Variants in CYP4F12 observed in about 807,000 individuals in gnomAD.
CYP4F12 encodes the protein cytochrome P450 family 4 subfamily F member 12, also known as cytochrome P450 4F12.
A neutral mutation model predicts 56.5 loss-of-function variants in CYP4F12; 60 were observed. The ratio of observed to expected loss-of-function variants is 1.06; its 90% CI spans 0.86 to 1.32. The LOEUF (loss-of-function observed/expected upper bound fraction) is 1.32. Among genes scored for constraint, CYP4F12 ranks in the 40% most tolerant of loss-of-function variants. CYP4F12 has a pLI of 0.00. For synonymous variants in CYP4F12, 263 were observed against 264.9 expected (o/e 0.99, Z 0.07); for missense variants, 711 against 683.5 (o/e 1.04, Z -0.45).
chr19:15,678,991 TAA>T (rs1183893920), intron 3 of CYP4F12, among the ~76,000 whole-genome samples: 3 of 152,200 alleles, frequency 2.0e-5, no homozygotes, highest in Non-Finnish European at 2.9e-5. Flanking sequence ...TCATCCACCC[TAA>T]GTTTCCTGCT....
chr19:15,688,320 A>G (rs627753), intron 9 of CYP4F12, among the ~76,000 whole-genome samples: 44,040 of 151,126 alleles, frequency 0.29, 7,089 homozygotes, highest in African/African-American at 0.42. Context: ...CCTAAGAACC[A>G]CCCTCTGACT....
intron 2 of CYP4F12, among the ~76,000 whole-genome samples, chr19:15,677,540 G>A (rs201449889): frequency 0.68 from 8,242 of 12,062 alleles, 3,263 homozygotes; most frequent in East Asian, 0.99. Flanking sequence ...CTCCTCACTC[G>A]CTCATTCCTC....
intron 9 of CYP4F12, among the ~76,000 whole-genome samples, chr19:15,694,426 T>G (rs2008025725): frequency 6.6e-6 from 1 of 152,160 alleles, no homozygotes; most frequent in African/African-American, 2.4e-5. Context: ...GTTGGATTCC[T>G]AGGTATTTTC....
chr19:15,688,755 G>A (rs764594909), intron 9 of CYP4F12, among the ~76,000 whole-genome samples: 2 of 152,148 alleles, frequency 1.3e-5, no homozygotes, highest in Non-Finnish European at 2.9e-5. Context: ...TGGTATAAAA[G>A]TAGGCATTTA....
intron 9 of CYP4F12, among the ~76,000 whole-genome samples, chr19:15,693,241 G>A (rs2007959135): frequency 6.6e-6 from 1 of 152,154 alleles, no homozygotes; most frequent in Non-Finnish European, 1.5e-5. Context: ...AGTGAATTAT[G>A]TTTTATAGTT....
intron 7 of CYP4F12, 187 bp downstream of exon 7, chr19:15,683,950 A>C: frequency 1.7e-6 from 1 of 592,822 alleles, no homozygotes; most frequent in Non-Finnish European, 2.7e-6. Flanking sequence ...GCTAATTCTG[A>C]AACTGTGAGG....
chr19:15,692,193 G>C (rs1018352656), intron 9 of CYP4F12, among the ~76,000 whole-genome samples: 3 of 152,126 alleles, frequency 2.0e-5, no homozygotes, highest in Non-Finnish European at 2.9e-5. Context: ...TTGACCTCAA[G>C]TGATCCACCC....
intron 9 of CYP4F12, among the ~76,000 whole-genome samples, chr19:15,688,658 C>T (rs894931928): frequency 5.3e-5 from 8 of 152,032 alleles, no homozygotes; most frequent in African/African-American, 1.2e-4. Context: ...CAAAGCAATA[C>T]CAAGCAAAAA....
intron 9 of CYP4F12, among the ~76,000 whole-genome samples, chr19:15,692,440 G>A (rs1237095883): frequency 2.0e-5 from 3 of 151,820 alleles, no homozygotes; most frequent in African/African-American, 7.3e-5. Flanking sequence ...TTCATTTGAT[G>A]GTTATTTCTA....
chr19:15,695,840 T>C (rs2008104748), intron 9 of CYP4F12, 96 bp from the exon 10 acceptor site: 1 of 1,481,964 alleles, frequency 6.7e-7, no homozygotes, highest in Non-Finnish European at 9.0e-7. Context: ...GAGTTTATTT[T>C]GTGATAGGGA....
intron 6 of CYP4F12, among the ~76,000 whole-genome samples, chr19:15,683,219 A>G (rs1203037341): frequency 6.6e-6 from 1 of 152,172 alleles, no homozygotes; most frequent in African/African-American, 2.4e-5. Context: ...AGTACTGCAT[A>G]CTGGATGGGA....
chr19:15,673,118 A>G lies in CYP4F12; in HGVS notation c.-19A>G. 2.4e-6 allele frequency: 1 copy of G among 416,010 alleles called. No individual in the cohort carries two copies. Among genetic ancestry groups the G allele is most frequent in the Middle Eastern group, 5.1e-4 (1 of 1,958 alleles). 25.8% of individuals were successfully genotyped at this position (416,010 alleles called of 1,614,324 possible). Reference sequence around the variant, plus strand: ...AGAGGAGAAGAGGTTGTGTGGGACAAGCTGCTCCCGACAGAAGGTACCAGG... The same window carrying G: ...AGAGGAGAAGAGGTTGTGTGGGACAGGCTGCTCCCGACAGAAGGTACCAGG... On this transcript the variant is annotated 5_prime_UTR_variant, in exon 1 of 13. Transcript: ENST00000550308.
intron 9 of CYP4F12, among the ~76,000 whole-genome samples, chr19:15,693,628 T>C (rs1188142298): frequency 6.7e-6 from 1 of 149,414 alleles, no homozygotes; most frequent in African/African-American, 2.5e-5. Context: ...TTTTCTCCCA[T>C]TTTGTACGTT....
At chr19:15,678,600 C>A (rs1027434587) in intron 3 of CYP4F12, 195 bp downstream of exon 3, 3 of 717,542 alleles carry the variant, frequency 4.2e-6, no homozygotes, top group Non-Finnish European at 6.7e-6. Context: ...CAATTCAGGG[C>A]CCTTTCTGGA....
In CYP4F12 at chr19:15,684,832, C is replaced by A; in HGVS notation, c.935C>A (p.Ala312Glu). Residue 312 changes from alanine to glutamate, a missense_variant, in exon 8 of 13, where the codon GCA becomes GAA. Coordinates refer to ENST00000550308, the MANE Select transcript of CYP4F12 (RefSeq NM_023944.4). ...TCTCTTCAGGATGAAGATGGGAAGG[C>A]ATTGTCAGATGAGGATATAAGAGCA... Reference protein sequence around the residue: ...LLLSKDEDGKALSDEDIRAEA... With the variant: ...LLLSKDEDGKELSDEDIRAEA... The A allele has an allele frequency of 1.2e-6, 2 of 1,607,794 alleles. No homozygotes were observed. Among genetic ancestry groups the A allele is most frequent in the South Asian group, 2.2e-5 (2 of 90,454 alleles).
In CYP4F12 at chr19:15,695,881, G is replaced by A; in HGVS notation, c.1116-55G>A. 2.6e-6 allele frequency: 4 copies of A among 1,564,176 alleles called. No homozygotes were observed. In the South Asian group the frequency reaches 4.8e-5, roughly 19 times the overall value. Reference sequence around the variant, plus strand: ...GGTCTCATTTGCAAATAGAAAAGGTGGAGAGTTGTGTATTTGTTCCCTTGA... The same window carrying A: ...GGTCTCATTTGCAAATAGAAAAGGTAGAGAGTTGTGTATTTGTTCCCTTGA... On this transcript the variant is annotated intron_variant, in intron 9 of 12. Transcript: ENST00000550308.
At chr19:15,694,651 G>A (rs7255816) in intron 9 of CYP4F12, among the ~76,000 whole-genome samples, 58,082 of 151,984 alleles carry the variant, frequency 0.38, 11,432 homozygotes, top group African/African-American at 0.43. Context: ...ACAATTTGAC[G>A]TCTTCTTTTC....
At chr19:15,678,188 A>C (rs2007087111) in intron 2 of CYP4F12, 73 bp from the exon 3 acceptor site, 1 of 1,575,516 alleles carries the variant, frequency 6.3e-7, no homozygotes, top group African/African-American at 1.3e-5. Flanking sequence ...CTATCTGGGC[A>C]TCCCTTAGCC....
Position 15,683,393 on chromosome 19 carries a change from A to G in CYP4F12, c.648-100A>G, listed in dbSNP as rs559255828. Reference sequence around the variant, plus strand: ...TAGGACCATCTATTTCTAGATACTCAGTTTCCTGATGGGAGGTAGCTCCTG... The same window carrying G: ...TAGGACCATCTATTTCTAGATACTCGGTTTCCTGATGGGAGGTAGCTCCTG... On this transcript the variant is annotated intron_variant, in intron 6 of 12. Transcript: ENST00000550308. The G allele has an allele frequency of 5.5e-6, 7 of 1,278,176 alleles. No homozygotes were observed. In the East Asian group the frequency reaches 1.6e-4, roughly 30 times the overall value. 79.2% of individuals were successfully genotyped at this position (1,278,176 alleles called of 1,614,324 possible).
Sources: allele counts gnomAD v4.1 joint callset (sites outside exome capture counted in the v4.1 genomes callset), GRCh38; gene constraint gnomAD v4.1.1; transcripts MANE v1.5; gene names NCBI Gene and HGNC (gene_info 2026-07-23, HGNC 2026-07-21).